PAPPA2: variants seen among roughly 807,000 people sequenced by gnomAD.
The protein encoded by PAPPA2 is pappalysin-2.
A neutral mutation model predicts 176.4 loss-of-function variants in PAPPA2; 86 were observed. The observed-to-expected ratio is 0.49, with a 90% CI of 0.41 to 0.58. PAPPA2 has a LOEUF of 0.58. PAPPA2 is among the 20% of genes least tolerant of loss of function. The pLI is 0.00. For synonymous variants in PAPPA2, 809 were observed against 852.2 expected (o/e 0.95, Z 0.88); for missense variants, 2,073 against 2,256.9 (o/e 0.92, Z 1.65).
At chr1:176,676,241 G>T (rs910121160) in intron 4 of PAPPA2, among the ~76,000 whole-genome samples, 2 of 151,952 alleles carry the variant, frequency 1.3e-5, no homozygotes, top group African/African-American at 2.4e-5. Flanking sequence ...TAATCCTAGA[G>T]AAATTAAAAT....
chr1:176,774,473 G>A (rs746063193), intron 17 of PAPPA2, among the ~76,000 whole-genome samples: 15 of 152,114 alleles, frequency 9.9e-5, no homozygotes, highest in Non-Finnish European at 1.9e-4. Flanking sequence ...CCGGGTGCCT[G>A]CACATCACCT....
At chr1:176,720,555 T>C (rs996046885) in intron 12 of PAPPA2, among the ~76,000 whole-genome samples, 2 of 152,150 alleles carry the variant, frequency 1.3e-5, no homozygotes, top group Admixed American at 6.5e-5. Context: ...TTTTTAAATA[T>C]GTAGTTTGAT....
chr1:176,742,670 A>G (rs1251807165), intron 14 of PAPPA2, among the ~76,000 whole-genome samples: 1 of 152,206 alleles, frequency 6.6e-6, no homozygotes, highest in Non-Finnish European at 1.5e-5. Context: ...AATTGTGAAT[A>G]TAACTGAAAC....
rs1478243962 is a variant in PAPPA2, at chr1:176,574,191, G to T, written c.919+16950G>T. ...ACTTATAATACAGTTGAAGATATAG[G>T]CCTATATATGTTAAAATGATAATAA... On this transcript the variant is annotated intron_variant, in intron 2 of 22. Transcript: ENST00000367662. 2.0e-5 allele frequency among the ~76,000 whole-genome samples: 3 copies of T among 152,180 alleles called. No individual in the cohort carries two copies. In the East Asian group the frequency reaches 5.8e-4, roughly 29 times the overall value.
chr1:176,533,187 G>A (rs993130365), intron 1 of PAPPA2, among the ~76,000 whole-genome samples: 23 of 152,238 alleles, frequency 1.5e-4, no homozygotes, highest in Admixed American at 9.8e-4. Context: ...CTTCAGGGGT[G>A]AACTTTGCAC....
chr1:176,729,691 G>A (rs1284792070), intron 12 of PAPPA2, among the ~76,000 whole-genome samples: 1 of 152,038 alleles, frequency 6.6e-6, no homozygotes, highest in South Asian at 2.1e-4. Flanking sequence ...CTCGTTATTT[G>A]TGTGCCATTG....
chr1:176,721,844 CT>C (rs952745587), intron 12 of PAPPA2, among the ~76,000 whole-genome samples: 18 of 149,076 alleles, frequency 1.2e-4, no homozygotes, highest in South Asian at 2.1e-4. Flanking sequence ...TGCTCATTTA[CT>C]TTTTTTTTTC....
chr1:176,695,201 A>G (rs1191719641), intron 6 of PAPPA2, among the ~76,000 whole-genome samples: 3 of 152,220 alleles, frequency 2.0e-5, no homozygotes, highest in African/African-American at 7.2e-5. Context: ...TTGAGACGTG[A>G]TAAATAATTT....
At chr1:176,526,151 G>C (rs1199117700) in intron 1 of PAPPA2, among the ~76,000 whole-genome samples, 6 of 152,306 alleles carry the variant, frequency 3.9e-5, no homozygotes, top group Non-Finnish European at 8.8e-5. Context: ...AAAAGAAAAT[G>C]GTCTCTGGAG....
At chr1:176,463,524 G>A (rs1651475087) in intron 1 of PAPPA2, 106 bp downstream of exon 1, 1 of 152,278 alleles carries the variant, frequency 6.6e-6, no homozygotes, top group African/African-American at 2.4e-5. Flanking sequence ...TAGACTTCTT[G>A]TATTCTTTTG....
At chr1:176,605,636 T>G (rs912252469) in intron 3 of PAPPA2, among the ~76,000 whole-genome samples, 1 of 152,212 alleles carries the variant, frequency 6.6e-6, no homozygotes, top group Non-Finnish European at 1.5e-5. Flanking sequence ...CAGTTTCTCA[T>G]AGTACCTTGG....
chr1:176,557,374 G>T, intron 2 of PAPPA2, 133 bp downstream of exon 2: 1 of 1,021,704 alleles, frequency 9.8e-7, no homozygotes, highest in East Asian at 2.6e-5. Flanking sequence ...CAGGGAGAGG[G>T]GGAAGGGCCT....
At chr1:176,585,646 A>G (rs1473960773) in intron 2 of PAPPA2, among the ~76,000 whole-genome samples, 1 of 151,938 alleles carries the variant, frequency 6.6e-6, no homozygotes, top group African/African-American at 2.4e-5. Context: ...CTGATGTTTC[A>G]TACATTTTTG....
At chr1:176,631,934 G>A (rs1656360889) in intron 3 of PAPPA2, among the ~76,000 whole-genome samples, 1 of 152,150 alleles carries the variant, frequency 6.6e-6, no homozygotes, top group Admixed American at 6.5e-5. Context: ...TTGCACAGGT[G>A]GAGGAGAGAA....
rs1558479000 is a variant in PAPPA2 at position 176,623,610 on chromosome 1, C to CTTT, written c.1991+28015_1991+28016insTTT. Among the ~76,000 whole-genome samples the CTTT allele has an allele frequency of 4.6e-3, 438 of 95,184 alleles. 2 individuals are homozygous for CTTT. Among genetic ancestry groups the CTTT allele is most frequent in the African/African-American group, 0.014 (292 of 21,408 alleles). The allele number at this position is 95,184 out of a possible 152,430, so 62.4% of individuals were successfully genotyped here. A position where few individuals can be genotyped will look rare whatever the true frequency, so the allele number is the denominator to read the frequency against. ...TCCTTCCTTCCTTCCTTCCTTCCTT[C>CTTT]CTTCCTTCCTTCCTTTTTTACTTTC... is the stretch of plus-strand genomic sequence containing the variant. On this transcript the variant is annotated intron_variant, in intron 3 of 22. Transcript: ENST00000367662.
At chr1:176,472,036 A>G (rs921771767) in intron 1 of PAPPA2, among the ~76,000 whole-genome samples, 11 of 152,340 alleles carry the variant, frequency 7.2e-5, no homozygotes, top group African/African-American at 2.4e-4. Flanking sequence ...TTGATTGCTC[A>G]ATGCCTAGAT....
chr1:176,576,360 G>T (rs562323497), intron 2 of PAPPA2, among the ~76,000 whole-genome samples: 2 of 152,206 alleles, frequency 1.3e-5, no homozygotes, highest in East Asian at 3.9e-4. Flanking sequence ...TACCCCATCA[G>T]TGTCTTTCCA....
At chr1:176,594,436 G>A (rs910271727) in intron 2 of PAPPA2, 88 bp from the exon 3 acceptor site, 13 of 1,139,126 alleles carry the variant, frequency 1.1e-5, no homozygotes, top group South Asian at 1.1e-4. Flanking sequence ...CTGCATTCTT[G>A]TTATTTACAT....
intron 4 of PAPPA2, among the ~76,000 whole-genome samples, chr1:176,677,744 T>C (rs1558513273): frequency 6.6e-6 from 1 of 152,156 alleles, no homozygotes; most frequent in Non-Finnish European, 1.5e-5. Flanking sequence ...AAAACTTGGA[T>C]ACCATACTCA....
Sources: gnomAD v4.1 joint callset for allele counts (sites outside exome capture counted in the v4.1 genomes callset) on GRCh38, gnomAD v4.1.1 for gene constraint, MANE v1.5 for transcripts, NCBI Gene and HGNC (gene_info 2026-07-23, HGNC 2026-07-21) for gene names.